PXT1: variants seen among roughly 807,000 people sequenced by gnomAD.
The protein encoded by PXT1 is peroxisomal testis enriched protein 1.
Under a neutral mutation model 11.0 loss-of-function variants are expected in PXT1, and 11 were observed. That is an observed-to-expected ratio of 1.00 (90% CI 0.63 to 1.66). The LOEUF (loss-of-function observed/expected upper bound fraction) is 1.66, where lower values mean the gene tolerates loss of function less well. PXT1 is among the 40% of genes most tolerant of loss of function. PXT1 has a pLI of 0.00. For synonymous variants in PXT1, 43 were observed against 51.4 expected (o/e 0.84, Z 0.70); for missense variants, 141 against 155.5 (o/e 0.91, Z 0.49).
At chr6:36,440,797 G>A (rs1024356958) in intron 1 of PXT1, among the ~76,000 whole-genome samples, 1 of 152,140 alleles carries the variant, frequency 6.6e-6, no homozygotes, top group East Asian at 1.9e-4. Context: ...TTAGCCAAAA[G>A]TTGAACCATT....
At chr6:36,421,488 T>A (rs1774525142) in intron 3 of PXT1, among the ~76,000 whole-genome samples, 1 of 152,148 alleles carries the variant, frequency 6.6e-6, no homozygotes, top group East Asian at 1.9e-4. Context: ...ACAAAACTGA[T>A]TAATCTGTGG....
chr6:36,411,365 C>T (rs1340715733), intron 3 of PXT1, among the ~76,000 whole-genome samples: 4 of 152,082 alleles, frequency 2.6e-5, no homozygotes, highest in East Asian at 1.9e-4. Context: ...GCAGGAGAAT[C>T]GCTTGAACCC....
At chr6:36,408,261 C>CT (rs752205780) in intron 3 of PXT1, among the ~76,000 whole-genome samples, 2,355 of 137,276 alleles carry the variant, frequency 0.017, 39 homozygotes, top group African/African-American at 0.048. Context: ...CACGCCCAGC[C>CT]TTTTTTTTTT....
At chr6:36,394,848 T>C (rs1409008434) in intron 4 of PXT1, among the ~76,000 whole-genome samples, 2 of 152,076 alleles carry the variant, frequency 1.3e-5, no homozygotes, top group Non-Finnish European at 2.9e-5. Flanking sequence ...GTCACCCATG[T>C]TGAAGTGCAG....
At chr6:36,400,630 A>T in intron 3 of PXT1, 46 bp from the exon 4 acceptor site, 2 of 1,565,552 alleles carry the variant, frequency 1.3e-6, no homozygotes, top group South Asian at 2.3e-5. Context: ...CCACTTAATT[A>T]TCTGTAAAAT....
At chr6:36,436,221 T>C (rs2127419027) in intron 2 of PXT1, among the ~76,000 whole-genome samples, 1 of 151,836 alleles carries the variant, frequency 6.6e-6, no homozygotes, top group Admixed American at 6.5e-5. Flanking sequence ...CTTTAGATTT[T>C]GTCCTAAAAA....
At chr6:36,397,629 T>C (rs569074265) in intron 4 of PXT1, among the ~76,000 whole-genome samples, 8 of 152,236 alleles carry the variant, frequency 5.3e-5, no homozygotes, top group African/African-American at 1.9e-4. Flanking sequence ...AGTAGATAAA[T>C]TGAACTTCAT....
At chr6:36,398,178 T>C (rs944763340) in intron 4 of PXT1, among the ~76,000 whole-genome samples, 2 of 152,188 alleles carry the variant, frequency 1.3e-5, no homozygotes, top group East Asian at 3.8e-4. Flanking sequence ...TGAGATACAC[T>C]TCATACTCAC....
At position 36,419,598 on chromosome 6, in the gene PXT1, G is replaced by T. The variant is rs186127415; in HGVS notation, c.169+6316C>A. Among the ~76,000 whole-genome samples, 3 of 152,272 alleles carry T rather than the reference G, an allele frequency of 2.0e-5. No homozygotes were observed. In the East Asian group the frequency reaches 5.8e-4, roughly 29 times the overall value. Reference sequence around the variant, plus strand: ...CAACTAAATGGTGAAATCCTTGAGGGCATGTATCTATTTCATAACTCTAAG... The same window carrying T: ...CAACTAAATGGTGAAATCCTTGAGGTCATGTATCTATTTCATAACTCTAAG... On this transcript the variant is annotated intron_variant, in intron 3 of 4. Transcript: ENST00000454782.
intron 4 of PXT1, chr6:36,393,167 G>A (rs570931664): frequency 6.6e-6 from 1 of 152,012 alleles, no homozygotes; most frequent in Non-Finnish European, 1.5e-5. Flanking sequence ...TAGAGACAGG[G>A]TTTCTCCATG....
chr6:36,392,021 A>G, intron 4 of PXT1, 147 bp from the exon 5 acceptor site: 2 of 608,688 alleles, frequency 3.3e-6, no homozygotes, highest in Admixed American at 5.9e-5. Context: ...TATGAATTGT[A>G]TGAGCTGAAG....
intron 3 of PXT1, among the ~76,000 whole-genome samples, chr6:36,416,072 C>T (rs1378856582): frequency 6.6e-6 from 1 of 151,868 alleles, no homozygotes; most frequent in South Asian, 2.1e-4. Context: ...GGGTGGCTCA[C>T]GTCTGCAATC....
Position 36,420,516 on chromosome 6 carries a change from A to T in PXT1, c.169+5398T>A, listed in dbSNP as rs557132593. ...GCTTGTATAAAGAAATTCTGGAAAG[A>T]TACCTGAGAATCTAAGAACAATAGT... On this transcript the variant is annotated intron_variant, in intron 3 of 4. Coordinates refer to ENST00000454782, the MANE Select transcript of PXT1 (RefSeq NM_152990.4). 8.5e-5 allele frequency among the ~76,000 whole-genome samples: 13 copies of T among 152,348 alleles called. No homozygotes were observed. In the East Asian group the frequency reaches 2.3e-3, roughly 27 times the overall value.
chr6:36,404,631 A>T (rs1407568656), intron 3 of PXT1, among the ~76,000 whole-genome samples: 1 of 151,556 alleles, frequency 6.6e-6, no homozygotes, highest in Non-Finnish European at 1.5e-5. Flanking sequence ...CTGTTATTTT[A>T]GAGTATACTC....
intron 3 of PXT1, among the ~76,000 whole-genome samples, chr6:36,420,826 G>A (rs1379711909): frequency 6.6e-6 from 1 of 152,148 alleles, no homozygotes; most frequent in East Asian, 1.9e-4. Flanking sequence ...TCCAAGGTGG[G>A]CGGATCACCT....
intron 3 of PXT1, among the ~76,000 whole-genome samples, chr6:36,416,827 G>A (rs2127414460): frequency 6.6e-6 from 1 of 152,350 alleles, no homozygotes; most frequent in African/African-American, 2.4e-5. Flanking sequence ...AGAGCTGACT[G>A]TGGCTGGAGG....
intron 2 of PXT1, among the ~76,000 whole-genome samples, chr6:36,428,650 G>A (rs1478140047): frequency 1.3e-5 from 2 of 152,086 alleles, no homozygotes; most frequent in African/African-American, 4.8e-5. Flanking sequence ...TTTTTCCCAA[G>A]TAGGTTTTTA....
chr6:36,431,776 A>T (rs1707026822), intron 2 of PXT1, among the ~76,000 whole-genome samples: 1 of 151,952 alleles, frequency 6.6e-6, no homozygotes, highest in African/African-American at 2.4e-5. Flanking sequence ...AAAAATATAT[A>T]TCTATCTATC....
chr6:36,442,273 C>T (rs2127420803), intron 1 of PXT1, among the ~76,000 whole-genome samples: 1 of 152,278 alleles, frequency 6.6e-6, no homozygotes, highest in Non-Finnish European at 1.5e-5. Context: ...AGGTGATCTG[C>T]CCGCCTCGGC....
Sources: gnomAD v4.1 joint callset for allele counts (sites outside exome capture counted in the v4.1 genomes callset) on GRCh38, gnomAD v4.1.1 for gene constraint, MANE v1.5 for transcripts, NCBI Gene and HGNC (gene_info 2026-07-23, HGNC 2026-07-21) for gene names.